Variants in SMC4 observed in about 807,000 individuals in gnomAD.
SMC4 encodes structural maintenance of chromosomes 4.
SMC4 carries 87 observed loss-of-function variants against 145.6 expected under a neutral mutation model. That is an observed-to-expected ratio of 0.60 (90% confidence interval 0.50 to 0.71). SMC4 has a LOEUF of 0.71. SMC4 is among the 30% of genes least tolerant of loss of function. The pLI is 0.00. For synonymous variants in SMC4, 558 were observed against 500.7 expected (o/e 1.11, Z -1.53); for missense variants, 1,447 against 1,537.1 (o/e 0.94, Z 0.98).
At chr3:160,402,316 A>G (rs1187184912) in intron 3 of SMC4, among the ~76,000 whole-genome samples, 1 of 152,116 alleles carries the variant, frequency 6.6e-6, no homozygotes, top group Non-Finnish European at 1.5e-5. Flanking sequence ...TGGTACCTCT[A>G]GTTACAAAGT....
At chr3:160,432,073 G>A (rs56952700) in intron 21 of SMC4, among the ~76,000 whole-genome samples, 31,926 of 152,116 alleles carry the variant, frequency 0.21, 3,693 homozygotes, top group Non-Finnish European at 0.26. Flanking sequence ...GTTGTGGCAC[G>A]TGCCTGTAAT....
rs1019550514 is a variant in SMC4, at chr3:160,430,621, T to A, written c.2818T>A (p.Ser940Thr). 1 of 1,609,106 alleles carries A rather than the reference T, an allele frequency of 6.2e-7. No individual in the cohort carries two copies. Among genetic ancestry groups the A allele is most frequent in the African/African-American group, 1.3e-5 (1 of 74,638 alleles). The change falls in exon 19 of 24, where the codon TCT becomes ACT. Residue 940 changes from serine to threonine, a missense_variant. Ser to Thr is a moderately conservative substitution (Grantham distance 58). Transcript: ENST00000357388. ...ADRNLQKAQD[S>T]VLRTEKEIKD... is the part of the protein sequence containing the mutation. ...TAGAAACCTTCAAAAGGCACAAGACTCTGTCTTGCGTACAGAGAAAGAAAT... is the reference window on the plus strand; with the variant it reads ...TAGAAACCTTCAAAAGGCACAAGACACTGTCTTGCGTACAGAGAAAGAAAT...
rs1718374910 is a variant in SMC4 at position 160,431,275 on chromosome 3, G to GT, written c.3114+74dup. The GT allele has an allele frequency of 1.7e-5, 22 of 1,293,084 alleles. No individual in the cohort carries two copies. In the South Asian group the frequency reaches 3.3e-4, roughly 20 times the overall value. 80.1% of individuals were successfully genotyped at this position (1,293,084 alleles called of 1,614,324 possible). A position where few individuals can be genotyped will look rare whatever the true frequency, so the allele number is the denominator to read the frequency against. The stretch of plus-strand genomic sequence containing the variant: ...GAAAAAGGAGGGTTTGGGGAGGATT[G>GT]TTTTAGGGGGTTGGGGTTCTTAAAT... On this transcript the variant is annotated intron_variant, in intron 20 of 23. Transcript: ENST00000357388.
chr3:160,434,862 T>TA lies in SMC4; in HGVS notation c.*1059dup, dbSNP rs1718820125. ...TCAGTGGGCCATTGTTTTAGATATT[T>TA]AAAAAATCCAACAGTTTCTATCATA... On this transcript the variant is annotated 3_prime_UTR_variant, in exon 24 of 24. Coordinates refer to ENST00000357388, the MANE Select transcript of SMC4 (RefSeq NM_001002800.3). 6.6e-6 allele frequency: 1 copy of TA among 152,162 alleles called. No homozygotes were observed. Among genetic ancestry groups the TA allele is most frequent in the Admixed American group, 6.5e-5 (1 of 15,284 alleles). The allele number at this position is 152,162 out of a possible 1,614,324, so 9.4% of individuals were successfully genotyped here. A position where few individuals can be genotyped will look rare whatever the true frequency, so the allele number is the denominator to read the frequency against.
Position 160,434,756 on chromosome 3 carries a change from T to C in SMC4, c.*947T>C, listed in dbSNP as rs1348324388. ...TGGTTTTTGGAAGGACTTTCGGTAT[T>C]GTATTAGAAGTCTGCCCTAGCTGTT... On this transcript the variant is annotated 3_prime_UTR_variant, in exon 24 of 24. Coordinates refer to ENST00000357388, the MANE Select transcript of SMC4 (RefSeq NM_001002800.3). 6.6e-6 allele frequency: 1 copy of C among 152,196 alleles called. No individual in the cohort carries two copies. 9.4% of individuals were successfully genotyped at this position (152,196 alleles called of 1,614,324 possible). A position where few individuals can be genotyped will look rare whatever the true frequency, so the allele number is the denominator to read the frequency against.
chr3:160,410,860 CAA>C (rs1233401339), intron 5 of SMC4, among the ~76,000 whole-genome samples: 1 of 152,158 alleles, frequency 6.6e-6, no homozygotes. Context: ...ATTAAGAAAA[CAA>C]TATACTATTT....
At chr3:160,412,176 T>A in intron 6 of SMC4, 92 bp downstream of exon 6, 1 of 1,455,234 alleles carries the variant, frequency 6.9e-7, no homozygotes, top group Non-Finnish European at 9.3e-7. Context: ...TTATAATACT[T>A]AATGAAGAAG....
Position 160,414,661 on chromosome 3 carries a change from C to T in SMC4, c.1272+144C>T, listed in dbSNP as rs181075211. 33 of 877,856 alleles carry T rather than the reference C, an allele frequency of 3.8e-5. No individual in the cohort carries two copies. In the East Asian group the frequency reaches 8.5e-4, roughly 23 times the overall value. 54.4% of individuals were successfully genotyped at this position (877,856 alleles called of 1,614,324 possible). ...GGTTTGTCTCTGAACATGATTTTAC[C>T]CCCTCAAGGGAAACCTTGCTTCTAC... On this transcript the variant is annotated intron_variant, in intron 9 of 23. Transcript: ENST00000357388.
intron 22 of SMC4, 192 bp downstream of exon 22, chr3:160,432,707 T>C: frequency 3.7e-6 from 2 of 540,256 alleles, no homozygotes; most frequent in Non-Finnish European, 6.5e-6. Context: ...TTACAAAATA[T>C]TTGTCTAGTT....
intron 15 of SMC4, 27 bp downstream of exon 15, chr3:160,423,867 A>G (rs1270748989): frequency 1.9e-6 from 3 of 1,543,518 alleles, no homozygotes; most frequent in African/African-American, 2.8e-5. Flanking sequence ...TTGTATCCAG[A>G]CTTTTTTTTT....
intron 17 of SMC4, among the ~76,000 whole-genome samples, chr3:160,427,469 T>C (rs1717912184): frequency 6.6e-6 from 1 of 152,176 alleles, no homozygotes; most frequent in African/African-American, 2.4e-5. Context: ...CAACAATGGC[T>C]TTGATGGTAC....
intron 5 of SMC4, among the ~76,000 whole-genome samples, chr3:160,407,020 T>C (rs1715411984): frequency 6.6e-6 from 1 of 152,188 alleles, no homozygotes; most frequent in African/African-American, 2.4e-5. Flanking sequence ...CAAGTAGAGT[T>C]TTATTAGCTC....
intron 18 of SMC4, 52 bp downstream of exon 18, chr3:160,428,994 T>G (rs1167648741): frequency 1.4e-6 from 2 of 1,382,936 alleles, no homozygotes; most frequent in Non-Finnish European, 2.0e-6. Context: ...GCCTTCACAT[T>G]GGAAAGGGGG....
chr3:160,419,764 A>G (rs1716974610), intron 12 of SMC4, among the ~76,000 whole-genome samples: 1 of 152,140 alleles, frequency 6.6e-6, no homozygotes, highest in Non-Finnish European at 1.5e-5. Flanking sequence ...CAAGAAAAAT[A>G]CTAGTAATGT....
intron 16 of SMC4, among the ~76,000 whole-genome samples, chr3:160,425,297 TTC>T (rs1469063127): frequency 6.6e-6 from 1 of 152,170 alleles, no homozygotes; most frequent in African/African-American, 2.4e-5. Flanking sequence ...TTTATTTTTA[TTC>T]TCTTTTCAAA....
intron 5 of SMC4, among the ~76,000 whole-genome samples, chr3:160,409,474 TTTC>T (rs1715746123): frequency 6.6e-6 from 1 of 152,158 alleles, no homozygotes; most frequent in African/African-American, 2.4e-5. Flanking sequence ...AGCTAAGCTG[TTTC>T]TTAATAGCTG....
intron 22 of SMC4, 114 bp downstream of exon 22, chr3:160,432,629 T>C: frequency 1.5e-6 from 1 of 656,866 alleles, no homozygotes; most frequent in East Asian, 2.8e-5. Flanking sequence ...TTGTTTCATT[T>C]ACTAGTAAAT....
Position 160,428,731 on chromosome 3 carries a change from GTTCT to G in SMC4, c.2606-19_2606-16del, listed in dbSNP as rs772356960. 251 of 1,556,834 alleles carry G rather than the reference GTTCT, an allele frequency of 1.6e-4. 4 individuals are homozygous for G. The highest frequency in any genetic ancestry group is 1.4e-3 in the South Asian group (110 of 80,324). On this transcript the variant is annotated intron_variant, in intron 17 of 23. Transcript: ENST00000357388. ...TCATTAGCATAAAAACACAAATTAG[GTTCT>G]TTATTTTTTAATTTCAGAATATGAT...
At chr3:160,403,738 A>G (rs948300001) in intron 4 of SMC4, among the ~76,000 whole-genome samples, 1 of 152,126 alleles carries the variant, frequency 6.6e-6, no homozygotes, top group Non-Finnish European at 1.5e-5. Context: ...TTGCTTCAGT[A>G]TGACAGAACT....
Sources: gnomAD v4.1 joint callset for allele counts (sites outside exome capture counted in the v4.1 genomes callset) on GRCh38, gnomAD v4.1.1 for gene constraint, MANE v1.5 for transcripts, NCBI Gene and HGNC (gene_info 2026-07-23, HGNC 2026-07-21) for gene names.